DDX41: variants seen among roughly 807,000 people sequenced by gnomAD.
DDX41 encodes DEAD-box helicase 41.
DDX41 carries 50 observed loss-of-function variants against 78.8 expected under a neutral mutation model. The observed-to-expected ratio is 0.63, with a 90% confidence interval of 0.51 to 0.80. The LOEUF (loss-of-function observed/expected upper bound fraction) is 0.80. Among genes scored for constraint, DDX41 ranks in the 30% least tolerant of loss-of-function variants. DDX41 has a pLI of 0.00. For synonymous variants in DDX41, 381 were observed against 321.5 expected (o/e 1.19, Z -1.98); for missense variants, 633 against 849.2 (o/e 0.75, Z 3.16).
Position 177,513,096 on chromosome 5 carries a change from G to T in DDX41, c.1231-14C>A, listed in dbSNP as rs1170736540. 6 of 1,611,364 alleles carry T rather than the reference G, an allele frequency of 3.7e-6. No individual in the cohort carries two copies. Among genetic ancestry groups the T allele is most frequent in the Non-Finnish European group, 5.1e-6 (6 of 1,178,392 alleles). On this transcript the variant is annotated splice_polypyrimidine_tract_variant and intron_variant, in intron 11 of 16. Transcript: ENST00000330503. This position sits in a 1 kb window ranked among gnomAD's most constrained non-coding sequence, Gnocchi z 4.6. ...ATATTCTACCTCCTGCCACCACAAA[G>T]ATCAGGTCAGGTGATCTTGAGATTA... is the stretch of plus-strand genomic sequence containing the variant.
chr5:177,515,202 G>T lies in DDX41; in HGVS notation c.628C>A (p.Gln210Lys). Reference protein sequence around the residue: ...GIHHPTPIQIQGIPTILSGRD... With the variant: ...GIHHPTPIQIKGIPTILSGRD... Reference sequence around the variant, plus strand: ...CACACTCACATGGTGGGGATGCCCTGGATCTGAATGGGTGTTGGGTGGTGA... The same window carrying T: ...CACACTCACATGGTGGGGATGCCCTTGATCTGAATGGGTGTTGGGTGGTGA... The change falls in exon 7 of 17, where the codon CAG becomes AAG. Residue 210 changes from glutamine to lysine, a missense_variant. Transcript: ENST00000330503. The T allele has an allele frequency of 6.2e-7, 1 of 1,614,000 alleles. No individual in the cohort carries two copies. The highest frequency in any genetic ancestry group is 8.5e-7 in the Non-Finnish European group (1 of 1,180,032).
At position 177,511,603 on chromosome 5, in the gene DDX41, C is replaced by A. The variant is rs974687062; in HGVS notation, c.*188G>T. 32 of 780,066 alleles carry A rather than the reference C, an allele frequency of 4.1e-5. No homozygotes were observed. The African/African-American group carries it at 4.4e-4, about 11-fold the overall frequency. 48.3% of individuals were successfully genotyped at this position (780,066 alleles called of 1,614,324 possible). A position where few individuals can be genotyped will look rare whatever the true frequency, so the allele number is the denominator to read the frequency against. Reference sequence around the variant, plus strand: ...GGGCTAGAGGTTTGGGCTTTAATGGCAGCTGGGGTAAAAGGAAACAAAAAC... The same window carrying A: ...GGGCTAGAGGTTTGGGCTTTAATGGAAGCTGGGGTAAAAGGAAACAAAAAC... On this transcript the variant is annotated 3_prime_UTR_variant, in exon 17 of 17. Transcript: ENST00000330503.
rs1761110542 is a variant in DDX41 at position 177,514,090 on chromosome 5, C to A, written c.936-243G>T. The A allele has an allele frequency of 6.0e-6, 4 of 665,532 alleles. No individual in the cohort carries two copies. The highest frequency in any genetic ancestry group is 1.1e-5 in the Non-Finnish European group (4 of 362,250). 41.2% of individuals were successfully genotyped at this position (665,532 alleles called of 1,614,324 possible). A position where few individuals can be genotyped will look rare whatever the true frequency, so the allele number is the denominator to read the frequency against. On this transcript the variant is annotated intron_variant, in intron 9 of 16. Coordinates refer to ENST00000330503, the MANE Select transcript of DDX41 (RefSeq NM_016222.4). The surrounding 1 kb of genome is among the most constrained non-coding windows in gnomAD (Gnocchi z 4.2). ...CCCTTCTCCTGGGTCAGCCTCTCAC[C>A]CAGAAGCGCTGTCATCAAGCTCCAG...
In DDX41 at chr5:177,512,721, CA is replaced by C. The variant is rs1454419530; in HGVS notation, c.1399+58del. 4.3e-6 allele frequency: 7 copies of C among 1,613,070 alleles called. No homozygotes were observed. The Admixed American group carries it at 1.0e-4, about 23-fold the overall frequency. On this transcript the variant is annotated intron_variant, in intron 13 of 16. Coordinates refer to ENST00000330503, the MANE Select transcript of DDX41 (RefSeq NM_016222.4). ...GGCAGGCCAACCAGGCAGGGGAAGG[CA>C]TTAGGTAAAGCACTGCTACTGCAGC...
Position 177,514,836 on chromosome 5 carries a change from C to A in DDX41, c.800G>T (p.Arg267Leu). The A allele has an allele frequency of 6.2e-7, 1 of 1,611,254 alleles. No individual in the cohort carries two copies. The highest frequency in any genetic ancestry group is 8.5e-7 in the Non-Finnish European group (1 of 1,178,560). Residue 267 changes from arginine (R) to leucine (L), a missense_variant and splice_region_variant, in exon 9 of 17, where the codon CGG becomes CTG. Physicochemically the swap from Arg to Leu is moderately radical, Grantham distance 102. This residue lies in a region of DDX41 where 151 missense variants were observed against 169.2 expected (regional missense o/e 0.89). Coordinates refer to ENST00000330503, the MANE Select transcript of DDX41 (RefSeq NM_016222.4). This position sits in a 1 kb window ranked among gnomAD's most constrained non-coding sequence, Gnocchi z 4.2. The stretch of plus-strand genomic sequence containing the variant: ...GCCATGGGTCTGCCGGGCCAGCTCC[C>A]GCTGCAGGCAGAGGGACAAAGGCTG... The part of the protein sequence containing the change: ...GPYGLIICPS[R>L]ELARQTHGIL...
Position 177,516,452 on chromosome 5 carries a change from G to C in DDX41, c.139-5C>G, listed in dbSNP as rs200837781. ...TCGCTGCAGCAGCTTCTGGAGCTGAGGTTCCACCCGGGATCCACAGATAGG... is the reference window on the plus strand; with the variant it reads ...TCGCTGCAGCAGCTTCTGGAGCTGACGTTCCACCCGGGATCCACAGATAGG... On this transcript the variant is annotated splice_polypyrimidine_tract_variant and splice_region_variant and intron_variant, in intron 2 of 16. Coordinates refer to ENST00000330503, the MANE Select transcript of DDX41 (RefSeq NM_016222.4). 3.7e-6 allele frequency: 6 copies of C among 1,613,164 alleles called. No homozygotes were observed. In the East Asian group the frequency reaches 1.1e-4, roughly 30 times the overall value.
chr5:177,511,672 T>C lies in DDX41; in HGVS notation c.*119A>G. On this transcript the variant is annotated 3_prime_UTR_variant, in exon 17 of 17. Coordinates refer to ENST00000330503, the MANE Select transcript of DDX41 (RefSeq NM_016222.4). Reference sequence around the variant, plus strand: ...AGGGAACAGGCAGCCAGGACCAGCCTGGCCCATCCCAGGCCAGCTGAGCTG... The same window carrying C: ...AGGGAACAGGCAGCCAGGACCAGCCCGGCCCATCCCAGGCCAGCTGAGCTG... 7.2e-7 allele frequency: 1 copy of C among 1,394,644 alleles called. No individual in the cohort carries two copies. Among genetic ancestry groups the C allele is most frequent in the Non-Finnish European group, 9.9e-7 (1 of 1,005,514 alleles). 86.4% of individuals were successfully genotyped at this position (1,394,644 alleles called of 1,614,324 possible).
rs775576200 is a variant in DDX41 at position 177,513,078 on chromosome 5, A to ACC, written c.1233_1234dup (p.Val412GlyfsTer2). 8.7e-6 allele frequency: 14 copies of ACC among 1,611,444 alleles called. No homozygotes were observed. The South Asian group carries it at 1.3e-4, about 15-fold the overall frequency. The stretch of plus-strand genomic sequence containing the variant: ...CTTGGCCTCCTCCTTCACATATTCT[A>ACC]CCTCCTGCCACCACAAAGATCAGGT... On this transcript the variant is annotated frameshift_variant, in exon 12 of 17. Coordinates refer to ENST00000330503, the MANE Select transcript of DDX41 (RefSeq NM_016222.4). LOFTEE classifies it high-confidence loss of function. This position sits in a 1 kb window ranked among gnomAD's most constrained non-coding sequence, Gnocchi z 4.6.
rs1229665989 is a variant in DDX41, at chr5:177,513,862, G to GA, written c.936-16dup. 10 of 1,612,992 alleles carry GA rather than the reference G, an allele frequency of 6.2e-6. No individual in the cohort carries two copies. Among genetic ancestry groups the GA allele is most frequent in the African/African-American group, 1.3e-5 (1 of 75,034 alleles). ...TGTGTACACCGCTGGGGACCAAGGA[G>GA]AGACCCTGAGGTTGGGGCCACTGGC... On this transcript the variant is annotated splice_polypyrimidine_tract_variant and intron_variant, in intron 9 of 16. Coordinates refer to ENST00000330503, the MANE Select transcript of DDX41 (RefSeq NM_016222.4). This position sits in a 1 kb window ranked among gnomAD's most constrained non-coding sequence, Gnocchi z 4.6.
rs770955418 is a variant in DDX41, at chr5:177,516,400, C to T, written c.186G>A (p.Glu62=). The T allele has an allele frequency of 1.9e-6, 3 of 1,613,994 alleles. No individual in the cohort carries two copies. Among genetic ancestry groups the T allele is most frequent in the Non-Finnish European group, 2.5e-6 (3 of 1,180,034 alleles). ...GGGGTTCACTACCGCTGTCCTGCTG[C>T]TCTTCCTCCGCAGCTCCCTTGCGTC... ...QRRRKGAAEE[E]QQDSGSEPRG... is the part of the protein sequence containing the mutation. Residue 62 remains glutamate (E), a synonymous_variant, in exon 3 of 17, where the codon GAG becomes GAA. Coordinates refer to ENST00000330503, the MANE Select transcript of DDX41 (RefSeq NM_016222.4).
rs1192798055 is a variant in DDX41, at chr5:177,512,371, CCCGGTGCGGCCAAT to C, written c.1558_1571del (p.Ile520AlafsTer17). Reference sequence around the variant, plus strand: ...TGGCGATGCCTGTGTTTCCCGAGCGCCCGGTGCGGCCAATCCGGTGTACTGCAGAGAGAAGGACA... The same window carrying C: ...TGGCGATGCCTGTGTTTCCCGAGCGCCCGGTGTACTGCAGAGAGAAGGACA... On this transcript the variant is annotated frameshift_variant, in exon 15 of 17. Coordinates refer to ENST00000330503, the MANE Select transcript of DDX41 (RefSeq NM_016222.4). LOFTEE classifies it high-confidence loss of function. 1 of 1,614,028 alleles carries C rather than the reference CCCGGTGCGGCCAAT, an allele frequency of 6.2e-7. No individual in the cohort carries two copies. Among genetic ancestry groups the C allele is most frequent in the East Asian group, 2.2e-5 (1 of 44,876 alleles).
In DDX41 at chr5:177,514,623, G is replaced by A. The variant is rs925826533; in HGVS notation, c.935+78C>T. On this transcript the variant is annotated intron_variant, in intron 9 of 16. Coordinates refer to ENST00000330503, the MANE Select transcript of DDX41 (RefSeq NM_016222.4). The surrounding 1 kb of genome is among the most constrained non-coding windows in gnomAD (Gnocchi z 4.2). ...GCCCTCTGTGAAGATCTGTGGAGTGGCTAAGGTAAAGGGTCCTTTAGCTTT... is the reference window on the plus strand; with the variant it reads ...GCCCTCTGTGAAGATCTGTGGAGTGACTAAGGTAAAGGGTCCTTTAGCTTT... 2 of 1,532,476 alleles carry A rather than the reference G, an allele frequency of 1.3e-6. No homozygotes were observed. The highest frequency in any genetic ancestry group is 1.8e-6 in the Non-Finnish European group (2 of 1,138,680). 94.9% of individuals were successfully genotyped at this position (1,532,476 alleles called of 1,614,324 possible). A position where few individuals can be genotyped will look rare whatever the true frequency, so the allele number is the denominator to read the frequency against.
At chr5:177,516,029 T>C (rs1761212261) in intron 4 of DDX41, 40 bp from the exon 5 acceptor site, 3 of 1,614,104 alleles carry the variant, frequency 1.9e-6, no homozygotes, top group African/African-American at 1.3e-5. Flanking sequence ...CTCCTGCTTC[T>C]GAGAAGCCAG....
chr5:177,514,141 T>C lies in DDX41; in HGVS notation c.936-294A>G, dbSNP rs1215478309. ...AGGCTTTACTCTGGGCTCGCTTTCC[T>C]GGCCCACTGGCTTCACCTTTTCTGT... On this transcript the variant is annotated intron_variant, in intron 9 of 16. Transcript: ENST00000330503. The surrounding 1 kb of genome is among the most constrained non-coding windows in gnomAD (Gnocchi z 4.2). 1 of 588,322 alleles carries C rather than the reference T, an allele frequency of 1.7e-6. No individual in the cohort carries two copies. The highest frequency in any genetic ancestry group is 3.2e-6 in the Non-Finnish European group (1 of 312,608). 36.4% of individuals were successfully genotyped at this position (588,322 alleles called of 1,614,324 possible).
chr5:177,514,434 C>T lies in DDX41; in HGVS notation c.935+267G>A, dbSNP rs1761128374. The T allele has an allele frequency of 3.5e-6, 2 of 565,298 alleles. No homozygotes were observed. The highest frequency in any genetic ancestry group is 2.0e-5 in the South Asian group (1 of 50,770). The allele number at this position is 565,298 out of a possible 1,614,324, so 35.0% of individuals were successfully genotyped here. ...GCCCCTCTTCCCAATTCAAATGTCA[C>T]CTTCCCGGAAAAGCCTTCTCTGAGC... On this transcript the variant is annotated intron_variant, in intron 9 of 16. Transcript: ENST00000330503. The surrounding 1 kb of genome is among the most constrained non-coding windows in gnomAD (Gnocchi z 4.2).
In DDX41 at chr5:177,514,059, C is replaced by G; in HGVS notation, c.936-212G>C. On this transcript the variant is annotated intron_variant, in intron 9 of 16. Coordinates refer to ENST00000330503, the MANE Select transcript of DDX41 (RefSeq NM_016222.4). This position sits in a 1 kb window ranked among gnomAD's most constrained non-coding sequence, Gnocchi z 4.2. ...CTTCACCACCGCTCGGCCTGGCGCG[C>G]CTTCCCCCTTCTCCTGGGTCAGCCT... The G allele has an allele frequency of 1.4e-6, 1 of 690,362 alleles. No individual in the cohort carries two copies. Among genetic ancestry groups the G allele is most frequent in the Non-Finnish European group, 2.6e-6 (1 of 380,588 alleles). 42.8% of individuals were successfully genotyped at this position (690,362 alleles called of 1,614,324 possible).
At chr5:177,516,647 C>A (rs1761247772) in intron 2 of DDX41, 78 bp downstream of exon 2, 1 of 1,476,848 alleles carries the variant, frequency 6.8e-7, no homozygotes, top group South Asian at 1.2e-5. Flanking sequence ...CCCTCCTCCC[C>A]ACGGAGGCCG....
Position 177,513,944 on chromosome 5 carries a change from C to A in DDX41, c.936-97G>T. The A allele has an allele frequency of 8.2e-7, 1 of 1,226,196 alleles. No individual in the cohort carries two copies. The highest frequency in any genetic ancestry group is 1.2e-6 in the Non-Finnish European group (1 of 853,940). 76.0% of individuals were successfully genotyped at this position (1,226,196 alleles called of 1,614,324 possible). A position where few individuals can be genotyped will look rare whatever the true frequency, so the allele number is the denominator to read the frequency against. On this transcript the variant is annotated intron_variant, in intron 9 of 16. Coordinates refer to ENST00000330503, the MANE Select transcript of DDX41 (RefSeq NM_016222.4). The surrounding 1 kb of genome is among the most constrained non-coding windows in gnomAD (Gnocchi z 4.6). ...TGCATCTGCTCTGCTCTCTGTCCTC[C>A]TTCCTATTTCTTTGTCTGTCCCCTT... is the stretch of plus-strand genomic sequence containing the variant.
At position 177,516,425 on chromosome 5, in the gene DDX41, C is replaced by A; in HGVS notation, c.161G>T (p.Arg54Ile). Reference sequence around the variant, plus strand: ...CTCTTCCTCCGCAGCTCCCTTGCGTCTTCGCTGCAGCAGCTTCTGGAGCTG... The same window carrying A: ...CTCTTCCTCCGCAGCTCCCTTGCGTATTCGCTGCAGCAGCTTCTGGAGCTG... The part of the protein sequence containing the change: ...QLLLQKLLQR[R>I]RKGAAEEEQQ... Residue 54 changes from arginine (R) to isoleucine (I), a missense_variant, in exon 3 of 17, where the codon AGA becomes ATA. Around this residue, in one of 6 missense-constraint regions of DDX41, gnomAD observed 140 missense variants for 115.2 expected, o/e 1.22. Coordinates refer to ENST00000330503, the MANE Select transcript of DDX41 (RefSeq NM_016222.4). 6.2e-7 allele frequency: 1 copy of A among 1,613,796 alleles called. No individual in the cohort carries two copies.
Sources: gnomAD v4.1 joint callset for allele counts on GRCh38, gnomAD v4.1.1 for gene constraint, gnomAD v4.1.1 regional missense constraint, Gnocchi (gnomAD v3.1) non-coding constraint, MANE v1.5 for transcripts, NCBI Gene and HGNC (gene_info 2026-07-23, HGNC 2026-07-21) for gene names.